HMGXB4: variants seen among roughly 807,000 people sequenced by gnomAD.
HMGXB4 encodes the protein HMG-box containing 4, also known as HMG domain-containing protein 4.
Under a neutral mutation model 63.9 loss-of-function variants are expected in HMGXB4, and 27 were observed. The observed-to-expected ratio is 0.42, with a 90% CI of 0.31 to 0.58. HMGXB4 has a LOEUF of 0.58. Among genes scored for constraint, HMGXB4 ranks in the 20% least tolerant of loss-of-function variants. HMGXB4 has a pLI of 0.13. For synonymous variants in HMGXB4, 264 were observed against 265.3 expected (o/e 0.99, Z 0.05); for missense variants, 624 against 700.7 (o/e 0.89, Z 1.24).
chr22:35,244,944 C>A, the HMGXB4 span, among the ~76,000 whole-genome samples: 1 of 152,294 alleles, frequency 6.6e-6, no homozygotes, highest in Non-Finnish European at 1.5e-5. Context: ...AGTTTCTTTA[C>A]AGCACTGGGG....
At chr22:35,272,197 A>C (rs917141452) in intron 5 of HMGXB4, among the ~76,000 whole-genome samples, 2 of 152,176 alleles carry the variant, frequency 1.3e-5, no homozygotes, top group Non-Finnish European at 2.9e-5. Context: ...GAAACACAGA[A>C]GGGAGGAGAA....
At chr22:35,279,486 A>G (rs1924116277) in intron 5 of HMGXB4, among the ~76,000 whole-genome samples, 1 of 151,858 alleles carries the variant, frequency 6.6e-6, no homozygotes, top group Admixed American at 6.6e-5. Flanking sequence ...TTTAATTTTA[A>G]TGAACCCCAG....
Position 35,263,066 on chromosome 22 carries a change from T to C in HMGXB4, c.32-12T>C. On this transcript the variant is annotated splice_polypyrimidine_tract_variant and intron_variant, in intron 2 of 10. Transcript: ENST00000216106. The stretch of plus-strand genomic sequence containing the variant: ...TCTCATTTCCTTTCCCAAATAAACC[T>C]GTGCTTCTCAGATTGTTTTGATGGT... The C allele has an allele frequency of 6.2e-7, 1 of 1,612,352 alleles. No individual in the cohort carries two copies. The highest frequency in any genetic ancestry group is 8.5e-7 in the Non-Finnish European group (1 of 1,179,468).
chr22:35,262,515 C>A, intron 2 of HMGXB4, 94 bp downstream of exon 2: 2 of 1,227,298 alleles, frequency 1.6e-6, no homozygotes, highest in Non-Finnish European at 2.4e-6. Context: ...GGCACCACAG[C>A]CTGGACTCCC....
chr22:35,275,001 C>G (rs1427391148), intron 5 of HMGXB4, among the ~76,000 whole-genome samples: 2 of 150,998 alleles, frequency 1.3e-5, no homozygotes, highest in Non-Finnish European at 2.9e-5. Flanking sequence ...TTTACACTGG[C>G]AGGAATGATG....
chr22:35,286,867 A>C (rs1224740395), intron 7 of HMGXB4: 6 of 141,930 alleles, frequency 4.2e-5, no homozygotes, highest in African/African-American at 1.2e-4. Flanking sequence ...AAAAAAAAAA[A>C]AAAAAGTCAT....
In HMGXB4 at chr22:35,264,670, A is replaced by G; in HGVS notation, c.282A>G (p.Ser94=). ...TAGATATTTCGTCTTTGGAATCGTCACAGAAGAAAAAGAAAAAGTCCAGCC... is the reference window on the plus strand; with the variant it reads ...TAGATATTTCGTCTTTGGAATCGTCGCAGAAGAAAAAGAAAAAGTCCAGCC... ...YYGDISSLES[S]QKKKKKSSPQ... is the part of the protein sequence containing the mutation. The change falls in exon 5 of 11, where the codon TCA becomes TCG. Residue 94 remains serine, a synonymous_variant. Transcript: ENST00000216106. 1 of 1,576,670 alleles carries G rather than the reference A, an allele frequency of 6.3e-7. No homozygotes were observed. The highest frequency in any genetic ancestry group is 8.6e-7 in the Non-Finnish European group (1 of 1,165,190).
At position 35,287,400 on chromosome 22, in the gene HMGXB4, C is replaced by T; in HGVS notation, c.1416C>T (p.Ala472=). ...AGCACAAACAGAACAAAGCAGAAGC[C>T]ACAACTGTGAAAAGGAAAGCATCCA... ...YLQHKQNKAE[A]TTVKRKASSS... Residue 472 remains alanine, a synonymous_variant, in exon 8 of 11, where the codon GCC becomes GCT. Transcript: ENST00000216106. 5 of 1,613,612 alleles carry T rather than the reference C, an allele frequency of 3.1e-6. No homozygotes were observed. In the Middle Eastern group the frequency reaches 8.2e-4, roughly 266 times the overall value.
chr22:35,265,137 A>T lies in HMGXB4; in HGVS notation c.749A>T (p.Lys250Ile). 1 of 1,614,178 alleles carries T rather than the reference A, an allele frequency of 6.2e-7. No individual in the cohort carries two copies. Among genetic ancestry groups the T allele is most frequent in the Non-Finnish European group, 8.5e-7 (1 of 1,180,028 alleles). The change falls in exon 5 of 11, where the codon AAA becomes ATA. Residue 250 changes from lysine (K) to isoleucine (I), a missense_variant. Transcript: ENST00000216106. ...CAGAGCTTTCTGAAAACAGCCCGGAAAAAGCACAAGTCATCCTCAGACGCA... is the reference window on the plus strand; with the variant it reads ...CAGAGCTTTCTGAAAACAGCCCGGATAAAGCACAAGTCATCCTCAGACGCA... The part of the protein sequence containing the change: ...ELQSFLKTAR[K>I]KHKSSSDAHS...
intron 5 of HMGXB4, among the ~76,000 whole-genome samples, chr22:35,278,669 G>C (rs1924050431): frequency 6.8e-6 from 1 of 146,032 alleles, no homozygotes; most frequent in African/African-American, 2.5e-5. Flanking sequence ...TTTTTTTTAA[G>C]ATGGGGTCTC....
At chr22:35,290,588 G>A (rs1036727738) in intron 9 of HMGXB4, among the ~76,000 whole-genome samples, 23 of 134,412 alleles carry the variant, frequency 1.7e-4, no homozygotes, top group Non-Finnish European at 2.1e-4. Flanking sequence ...CCGAGATTGC[G>A]CCACTGCACT....
the HMGXB4 span, chr22:35,249,814 G>T: frequency 1.0e-5 from 1 of 97,066 alleles, no homozygotes; most frequent in African/African-American, 2.6e-5. Context: ...AGGTTTTCCG[G>T]TCTTCACCAG....
upstream of HMGXB4, among the ~76,000 whole-genome samples, chr22:35,255,928 T>G (rs564238670): frequency 3.9e-5 from 6 of 152,264 alleles, no homozygotes; most frequent in Non-Finnish European, 8.8e-5. Context: ...GTCTTTTTGG[T>G]GAGTAGGATG....
chr22:35,257,830 GCGGCCGCC>G, intron 1 of HMGXB4, among the ~76,000 whole-genome samples: 1 of 152,006 alleles, frequency 6.6e-6, no homozygotes, highest in Non-Finnish European at 1.5e-5. Flanking sequence ...GAGGGGGCGT[GCGGCCGCC>G]CCGGGGGCCT....
chr22:35,264,163 T>C lies in HMGXB4; in HGVS notation c.259+289T>C, dbSNP rs1923043423. The C allele has an allele frequency of 3.0e-6, 3 of 1,000,326 alleles. No individual in the cohort carries two copies. In the East Asian group the frequency reaches 9.2e-5, roughly 31 times the overall value. 62.0% of individuals were successfully genotyped at this position (1,000,326 alleles called of 1,614,324 possible). A position where few individuals can be genotyped will look rare whatever the true frequency, so the allele number is the denominator to read the frequency against. On this transcript the variant is annotated intron_variant, in intron 4 of 10. Coordinates refer to ENST00000216106, the MANE Select transcript of HMGXB4 (RefSeq NM_001003681.3). The stretch of plus-strand genomic sequence containing the variant: ...GCCCATTGTTATCTAGCATCCCTTT[T>C]GCCATACGTAGTCCTCTGGCCTGCA...
At position 35,265,332 on chromosome 22, in the gene HMGXB4, A is replaced by C. The variant is rs759750637; in HGVS notation, c.944A>C (p.Glu315Ala). Residue 315 changes from glutamate (E) to alanine (A), a missense_variant, in exon 5 of 11, where the codon GAA becomes GCA. Physicochemically the swap from Glu to Ala is moderately radical, Grantham distance 107. Coordinates refer to ENST00000216106, the MANE Select transcript of HMGXB4 (RefSeq NM_001003681.3). ...GELVIDDSYR[E>A]IKKKKKSKKS... ...TTAGTGATAGATGATTCTTACCGAG[A>C]AATCAAGAAGAAAAAGAAGTCAAAG... The C allele has an allele frequency of 2.9e-5, 47 of 1,614,074 alleles. No individual in the cohort carries two copies. Among genetic ancestry groups the C allele is most frequent in the Non-Finnish European group, 4.0e-5 (47 of 1,180,016 alleles).
chr22:35,262,472 C>A lies in HMGXB4; in HGVS notation c.31+51C>A, dbSNP rs554284950. 4.5e-6 allele frequency: 7 copies of A among 1,552,758 alleles called. No individual in the cohort carries two copies. In the East Asian group the frequency reaches 1.6e-4, roughly 35 times the overall value. On this transcript the variant is annotated intron_variant, in intron 2 of 10. Coordinates refer to ENST00000216106, the MANE Select transcript of HMGXB4 (RefSeq NM_001003681.3). ...TTCCAAAGGGGGTATCCTCTTCAAT[C>A]CTTGCAGCCCATGGATATAGAGACC...
Position 35,263,245 on chromosome 22 carries a change from A to T in HMGXB4, c.180+19A>T. Reference sequence around the variant, plus strand: ...GTTGAAGGTAAGTCCTGAAAATTTAAATTAGGAAAGTCTTAAACTACTCAT... The same window carrying T: ...GTTGAAGGTAAGTCCTGAAAATTTATATTAGGAAAGTCTTAAACTACTCAT... On this transcript the variant is annotated intron_variant, in intron 3 of 10. Transcript: ENST00000216106. 6.3e-7 allele frequency: 1 copy of T among 1,595,344 alleles called. No homozygotes were observed. The highest frequency in any genetic ancestry group is 1.1e-5 in the South Asian group (1 of 88,728).
At chr22:35,273,016 T>C (rs1371877645) in intron 5 of HMGXB4, among the ~76,000 whole-genome samples, 1 of 152,182 alleles carries the variant, frequency 6.6e-6, no homozygotes, top group Non-Finnish European at 1.5e-5. Flanking sequence ...AATATGCACA[T>C]TTTCTCTAAA....
Sources: gnomAD v4.1 joint callset for allele counts (sites outside exome capture counted in the v4.1 genomes callset) on GRCh38, gnomAD v4.1.1 for gene constraint, MANE v1.5 for transcripts, NCBI Gene and HGNC (gene_info 2026-07-23, HGNC 2026-07-21) for gene names.